MAP2: variants seen among roughly 807,000 people sequenced by gnomAD.
MAP2 encodes the protein microtubule associated protein 2, also known as microtubule-associated protein 2.
A neutral mutation model predicts 137.6 loss-of-function variants in MAP2; 14 were observed. The observed-to-expected ratio is 0.10, with a 90% CI of 0.07 to 0.16. The LOEUF is 0.16. Ranked by LOEUF, MAP2 falls within the 10% of genes least tolerant of loss-of-function variation. MAP2 has a pLI of 1.00. For missense variants in MAP2, 2,088 were observed against 2,191.5 expected (o/e 0.95, Z 0.94); for synonymous variants, 786 against 782.3 (o/e 1.00, Z -0.08).
chr2:209,424,127 C>T lies in MAP2; in HGVS notation c.-371C>T, dbSNP rs932882555. ...CAGCATCCTCTCTTCCTTTACTTCCCTTCCGCTTCTTTCTCTTCCTTCTCC... is the reference window on the plus strand; with the variant it reads ...CAGCATCCTCTCTTCCTTTACTTCCTTTCCGCTTCTTTCTCTTCCTTCTCC... On this transcript the variant is annotated 5_prime_UTR_variant, in exon 1 of 16. Coordinates refer to ENST00000682079, the MANE Select transcript of MAP2 (RefSeq NM_001375505.1). The T allele has an allele frequency of 8.1e-5, 13 of 159,746 alleles. No individual in the cohort carries two copies. The highest frequency in any genetic ancestry group is 1.5e-4 in the Non-Finnish European group (11 of 73,930). 9.9% of individuals were successfully genotyped at this position (159,746 alleles called of 1,614,324 possible). A position where few individuals can be genotyped will look rare whatever the true frequency, so the allele number is the denominator to read the frequency against.
intron 4 of MAP2, among the ~76,000 whole-genome samples, chr2:209,628,578 A>G (rs911935662): frequency 1.5e-4 from 23 of 152,208 alleles, no homozygotes; most frequent in South Asian, 4.1e-4. Flanking sequence ...TCTACAGTCT[A>G]TTGTTCACAT....
At position 209,571,066 on chromosome 2, in the gene MAP2, T is replaced by G. The variant is rs1483224386; in HGVS notation, c.-171-8970T>G. On this transcript the variant is annotated intron_variant, in intron 2 of 15. Coordinates refer to ENST00000682079, the MANE Select transcript of MAP2 (RefSeq NM_001375505.1). The stretch of plus-strand genomic sequence containing the variant: ...CATACTCTCCCTACTAAGGAGAATG[T>G]GCCCTTACAATTTGTTTATTTAATA... 2.0e-5 allele frequency among the ~76,000 whole-genome samples: 3 copies of G among 152,004 alleles called. No homozygotes were observed. In the East Asian group the frequency reaches 5.8e-4, roughly 29 times the overall value.
intron 2 of MAP2, among the ~76,000 whole-genome samples, chr2:209,554,167 G>T (rs1298741758): frequency 1.3e-5 from 2 of 152,148 alleles, no homozygotes; most frequent in African/African-American, 4.8e-5. Context: ...CTTAATACTT[G>T]CTTCTGCTTT....
intron 1 of MAP2, among the ~76,000 whole-genome samples, chr2:209,496,108 A>G (rs1375636555): frequency 6.6e-6 from 1 of 152,156 alleles, no homozygotes; most frequent in Non-Finnish European, 1.5e-5. Flanking sequence ...GATGTTTTGT[A>G]TGAATAATAC....
At chr2:209,541,646 T>C (rs941714605) in intron 2 of MAP2, among the ~76,000 whole-genome samples, 4 of 152,224 alleles carry the variant, frequency 2.6e-5, no homozygotes, top group Non-Finnish European at 4.4e-5. Flanking sequence ...TGTTGTTATC[T>C]TGACAATGTT....
chr2:209,691,121 T>C (rs1181329398), intron 7 of MAP2, among the ~76,000 whole-genome samples: 1 of 150,642 alleles, frequency 6.6e-6, no homozygotes, highest in Non-Finnish European at 1.5e-5. Context: ...AGCTTCTTTT[T>C]TTATTTTATT....
At chr2:209,675,748 A>G (rs1329631334) in intron 5 of MAP2, among the ~76,000 whole-genome samples, 1 of 151,876 alleles carries the variant, frequency 6.6e-6, no homozygotes, top group East Asian at 1.9e-4. Context: ...ATTTGCTCAT[A>G]TAACCAATGG....
intron 3 of MAP2, among the ~76,000 whole-genome samples, chr2:209,623,947 T>C (rs952604940): frequency 1.3e-5 from 2 of 152,190 alleles, no homozygotes; most frequent in Admixed American, 6.6e-5. Context: ...TGCTGCACAT[T>C]GTGTGTAAAT....
intron 1 of MAP2, among the ~76,000 whole-genome samples, chr2:209,465,643 G>A (rs13027280): frequency 0.03 from 4,576 of 152,096 alleles, 85 homozygotes; most frequent in South Asian, 0.069. Context: ...CTCCATTCTA[G>A]GATGTAACCA....
rs749579302 is a variant in MAP2, at chr2:209,710,273, C to T, written c.5073+19C>T. 2 of 1,527,864 alleles carry T rather than the reference C, an allele frequency of 1.3e-6. No homozygotes were observed. The highest frequency in any genetic ancestry group is 1.4e-5 in the African/African-American group (1 of 72,590). 94.6% of individuals were successfully genotyped at this position (1,527,864 alleles called of 1,614,324 possible). ...GGGGCAGGTAAGAATTGCATGAACA[C>T]ATATTTGCTGCCAGAAATAATTATT... On this transcript the variant is annotated intron_variant, in intron 13 of 15. Coordinates refer to ENST00000682079, the MANE Select transcript of MAP2 (RefSeq NM_001375505.1).
chr2:209,522,779 G>A (rs1305865037), intron 2 of MAP2, among the ~76,000 whole-genome samples: 1 of 151,936 alleles, frequency 6.6e-6, no homozygotes. Context: ...ATCAGTTGAT[G>A]CTGCTCCCTC....
chr2:209,700,385 G>C (rs761529970), intron 11 of MAP2, 47 bp downstream of exon 11: 8 of 1,389,728 alleles, frequency 5.8e-6, no homozygotes, highest in Non-Finnish European at 8.1e-6. Context: ...AGTTCCTTTG[G>C]TATTAGCTGT....
intron 1 of MAP2, among the ~76,000 whole-genome samples, chr2:209,452,614 C>T (rs1266395835): frequency 6.6e-6 from 1 of 152,136 alleles, no homozygotes; most frequent in Non-Finnish European, 1.5e-5. Flanking sequence ...TAGAATAAAA[C>T]CATATTAAAG....
rs757367849 is a variant in MAP2 at position 209,564,556 on chromosome 2, TAAAAAAAAAA to T, written c.-171-15462_-171-15453del. ...TGTGTTTTAGCACAGCTCTGTGGAG[TAAAAAAAAAA>T]AAAAAAAAAAAAAAAAACCAAAAGC... On this transcript the variant is annotated intron_variant, in intron 2 of 15. Coordinates refer to ENST00000682079, the MANE Select transcript of MAP2 (RefSeq NM_001375505.1). Among the ~76,000 whole-genome samples, 5 of 56,002 alleles carry T rather than the reference TAAAAAAAAAA, an allele frequency of 8.9e-5. No individual in the cohort carries two copies. In the South Asian group the frequency reaches 2.1e-3, roughly 23 times the overall value. 36.7% of individuals were successfully genotyped at this position (56,002 alleles called of 152,430 possible). A position where few individuals can be genotyped will look rare whatever the true frequency, so the allele number is the denominator to read the frequency against.
intron 4 of MAP2, among the ~76,000 whole-genome samples, chr2:209,634,257 C>T (rs1475136359): frequency 6.6e-6 from 1 of 152,154 alleles, no homozygotes; most frequent in African/African-American, 2.4e-5. Flanking sequence ...CTATTAGTCT[C>T]ATCGATTTTT....
intron 5 of MAP2, 139 bp downstream of exon 5, chr2:209,653,571 A>C (rs1355765688): frequency 2.4e-5 from 20 of 839,764 alleles, no homozygotes; most frequent in Non-Finnish European, 3.2e-5. Context: ...AGGAAATAAA[A>C]GAAGAGAAAA....
Position 209,696,982 on chromosome 2 carries a change from T to C in MAP2, c.4453T>C (p.Phe1485Leu). 2 of 1,613,530 alleles carry C rather than the reference T, an allele frequency of 1.2e-6. No individual in the cohort carries two copies. Among genetic ancestry groups the C allele is most frequent in the Non-Finnish European group, 1.7e-6 (2 of 1,179,894 alleles). Reference sequence around the variant, plus strand: ...TCAGGCCCACTCTCCCTCCAGGAAATTCATTTTAAAACCTGCTATCAAATA... The same window carrying C: ...TCAGGCCCACTCTCCCTCCAGGAAACTCATTTTAAAACCTGCTATCAAATA... ...EVQAHSPSRK[F>L]ILKPAIKYTR... is the part of the protein sequence containing the mutation. Residue 1485 changes from phenylalanine to leucine, a missense_variant, in exon 10 of 16, where the codon TTC becomes CTC. Physicochemically the swap from Phe to Leu is conservative, Grantham distance 22. Around this residue, in one of 6 missense-constraint regions of MAP2, gnomAD observed 591 missense variants for 642.6 expected, o/e 0.92. Transcript: ENST00000682079.
intron 2 of MAP2, among the ~76,000 whole-genome samples, chr2:209,531,082 C>T (rs2065043560): frequency 6.6e-6 from 1 of 152,074 alleles, no homozygotes; most frequent in African/African-American, 2.4e-5. Flanking sequence ...CCATCTCATG[C>T]CTTTGCTATG....
Position 209,435,949 on chromosome 2 carries a change from ATATATACAG to A in MAP2, c.-222+11680_-222+11688del, listed in dbSNP as rs1274797046. Among the ~76,000 whole-genome samples, 6 of 64,610 alleles carry A rather than the reference ATATATACAG, an allele frequency of 9.3e-5. No homozygotes were observed. In the East Asian group the frequency reaches 8.7e-3, roughly 93 times the overall value. The allele number at this position is 64,610 out of a possible 152,430, so 42.4% of individuals were successfully genotyped here. A position where few individuals can be genotyped will look rare whatever the true frequency, so the allele number is the denominator to read the frequency against. Reference sequence around the variant, plus strand: ...ATATATTATATATATAATATATACTATATATACAGTATATATTATATATAATATATACAG... The same window carrying A: ...ATATATTATATATATAATATATACTATATATATTATATATAATATATACAG... On this transcript the variant is annotated intron_variant, in intron 1 of 15. Transcript: ENST00000682079.
Sources: gnomAD v4.1 joint callset for allele counts (sites outside exome capture counted in the v4.1 genomes callset) on GRCh38, gnomAD v4.1.1 for gene constraint, gnomAD v4.1.1 regional missense constraint, MANE v1.5 for transcripts, NCBI Gene and HGNC (gene_info 2026-07-23, HGNC 2026-07-21) for gene names.